Variants in DGKB observed in about 807,000 individuals in gnomAD.
DGKB encodes diacylglycerol kinase beta.
In DGKB, 67 loss-of-function variants were observed where a neutral mutation model predicts 114.3. The observed-to-expected ratio is 0.59, with a 90% confidence interval of 0.48 to 0.72. DGKB has a LOEUF of 0.72. Ranked by LOEUF, DGKB falls within the 30% of genes least tolerant of loss-of-function variation. The pLI is 0.00. For synonymous variants in DGKB, 398 were observed against 323.1 expected (o/e 1.23, Z -2.49); for missense variants, 907 against 975.2 (o/e 0.93, Z 0.93).
intron 20 of DGKB, among the ~76,000 whole-genome samples, chr7:14,541,183 G>A (rs529257615): frequency 3.2e-4 from 49 of 151,902 alleles, no homozygotes; most frequent in African/African-American, 1.1e-3. Flanking sequence ...CTTCACTAGT[G>A]GGAGCAGAGA....
At chr7:14,696,283 G>C (rs1043063929) in intron 8 of DGKB, among the ~76,000 whole-genome samples, 1 of 151,682 alleles carries the variant, frequency 6.6e-6, no homozygotes, top group African/African-American at 2.4e-5. Context: ...CAGGAGGTCA[G>C]GAGATCGAGA....
chr7:14,809,535 T>C (rs1008940932), intron 2 of DGKB, among the ~76,000 whole-genome samples: 1 of 152,106 alleles, frequency 6.6e-6, no homozygotes, highest in Non-Finnish European at 1.5e-5. Context: ...AATGCAGGGC[T>C]TTTCCAAGAG....
At chr7:14,360,517 G>C (rs1169231096) in intron 21 of DGKB, among the ~76,000 whole-genome samples, 1 of 151,682 alleles carries the variant, frequency 6.6e-6, no homozygotes, top group South Asian at 2.1e-4. Context: ...TATTTAAGGA[G>C]CACCTACTAA....
At chr7:14,766,815 A>G (rs1353179755) in intron 2 of DGKB, among the ~76,000 whole-genome samples, 1 of 151,866 alleles carries the variant, frequency 6.6e-6, no homozygotes, top group African/African-American at 2.4e-5. Context: ...CTAAGAATGA[A>G]TGCCTAGTGA....
At chr7:14,648,856 C>T (rs1328091967) in intron 13 of DGKB, among the ~76,000 whole-genome samples, 5 of 135,220 alleles carry the variant, frequency 3.7e-5, no homozygotes, top group South Asian at 2.4e-4. Flanking sequence ...ATGCAGAAGC[C>T]TCAGGAGCTG....
chr7:14,217,549 T>C (rs1160448579), intron 23 of DGKB, among the ~76,000 whole-genome samples: 15 of 151,920 alleles, frequency 9.9e-5, no homozygotes. Flanking sequence ...AATGAGTAAT[T>C]ATACCAGGTT....
chr7:14,553,023 G>A (rs1267110908), intron 20 of DGKB, among the ~76,000 whole-genome samples: 1 of 152,212 alleles, frequency 6.6e-6, no homozygotes, highest in African/African-American at 2.4e-5. Flanking sequence ...AATCCCCAAA[G>A]GGGAAATCAA....
At chr7:14,543,704 C>T (rs1000921316) in intron 20 of DGKB, among the ~76,000 whole-genome samples, 12 of 152,288 alleles carry the variant, frequency 7.9e-5, no homozygotes, top group Admixed American at 6.5e-4. Context: ...GTTACTCTCA[C>T]ACATAGAAAC....
intron 21 of DGKB, among the ~76,000 whole-genome samples, chr7:14,349,918 A>G (rs1238089152): frequency 6.6e-6 from 1 of 152,176 alleles, no homozygotes; most frequent in African/African-American, 2.4e-5. Flanking sequence ...TGGTCACAGC[A>G]AAGTCAAATT....
At chr7:14,649,092 C>T (rs368390534) in intron 13 of DGKB, among the ~76,000 whole-genome samples, 1 of 75,508 alleles carries the variant, frequency 1.3e-5, no homozygotes, top group Non-Finnish European at 2.7e-5. Context: ...TCCAGGAGAA[C>T]TTCCCCAATC....
At chr7:14,215,750 G>T (rs979996745) in intron 23 of DGKB, among the ~76,000 whole-genome samples, 30 of 152,082 alleles carry the variant, frequency 2.0e-4, no homozygotes, top group African/African-American at 6.8e-4. Flanking sequence ...GATAATAACA[G>T]TAACTAGAAG....
intron 2 of DGKB, among the ~76,000 whole-genome samples, chr7:14,832,416 T>C (rs1005178965): frequency 6.6e-6 from 1 of 152,106 alleles, no homozygotes; most frequent in African/African-American, 2.4e-5. Flanking sequence ...TTTACTTTAG[T>C]TATAATCCTT....
chr7:14,963,022 C>G (rs1167664090), intron 1 of DGKB, among the ~76,000 whole-genome samples: 1 of 152,030 alleles, frequency 6.6e-6, no homozygotes. Context: ...TTCCCTTGCC[C>G]TGCTTGTCTT....
intron 2 of DGKB, among the ~76,000 whole-genome samples, chr7:14,811,500 A>G (rs751515119): frequency 2.0e-5 from 3 of 152,100 alleles, no homozygotes; most frequent in Non-Finnish European, 4.4e-5. Context: ...CATGCTTCTC[A>G]TGAAATTCTT....
chr7:14,342,270 G>A (rs1377148282), intron 22 of DGKB, among the ~76,000 whole-genome samples: 1 of 151,768 alleles, frequency 6.6e-6, no homozygotes, highest in African/African-American at 2.4e-5. Context: ...CAGTATCCCT[G>A]TCAACCAAAA....
chr7:14,230,851 T>A (rs1477425322), intron 23 of DGKB, among the ~76,000 whole-genome samples: 1 of 152,052 alleles, frequency 6.6e-6, no homozygotes, highest in Non-Finnish European at 1.5e-5. Context: ...TAAGTCAAAG[T>A]ACCTCAGGGA....
chr7:14,690,943 C>T, intron 9 of DGKB, among the ~76,000 whole-genome samples: 1 of 152,290 alleles, frequency 6.6e-6, no homozygotes, highest in African/African-American at 2.4e-5. Context: ...CTAAGAGACA[C>T]TAACACTCTA....
intron 25 of DGKB, among the ~76,000 whole-genome samples, chr7:14,153,835 A>G (rs369961853): frequency 2.0e-5 from 3 of 152,222 alleles, no homozygotes; most frequent in African/African-American, 4.8e-5. Context: ...CTAGAAGACA[A>G]TGAAGAAACA....
At chr7:14,689,216 T>A (rs796928607) in intron 9 of DGKB, among the ~76,000 whole-genome samples, 2 of 137,308 alleles carry the variant, frequency 1.5e-5, no homozygotes, top group African/African-American at 5.2e-5. Context: ...TTTTTTTTTT[T>A]TTTTTTTTGA....
Sources: gnomAD v4.1 joint callset for allele counts (sites outside exome capture counted in the v4.1 genomes callset) on GRCh38, gnomAD v4.1.1 for gene constraint, MANE v1.5 for transcripts, NCBI Gene and HGNC (gene_info 2026-07-23, HGNC 2026-07-21) for gene names.